Variants in MAST2 observed in about 807,000 individuals in gnomAD.
MAST2 encodes microtubule associated serine/threonine kinase 2, also known as microtubule-associated serine/threonine-protein kinase 2.
MAST2 carries 70 observed loss-of-function variants against 147.4 expected under a neutral mutation model. That is an observed-to-expected ratio of 0.47 (90% confidence interval 0.39 to 0.58). The LOEUF is 0.58. MAST2 is among the 20% of genes least tolerant of loss of function. MAST2 has a pLI of 0.00. For synonymous variants in MAST2, 869 were observed against 896.8 expected, an observed-to-expected ratio of 0.97 and a Z score of 0.55; for missense variants, 2,080 against 2,302.3, an observed-to-expected ratio of 0.90 and a Z score of 1.98.
At chr1:45,883,912 G>GCCTCCCCCCCCCCCCCC (rs59944185) in intron 4 of MAST2, among the ~76,000 whole-genome samples, 26 of 2,504 alleles carry the variant, frequency 0.01, 10 homozygotes, top group East Asian at 0.02. Context: ...TACTATTTCT[G>GCCTCCCCCCCCCCCCCC]CCCCCCCCGC....
chr1:45,945,099 T>TA (rs1657842164), intron 4 of MAST2, among the ~76,000 whole-genome samples: 1 of 152,160 alleles, frequency 6.6e-6, no homozygotes, highest in African/African-American at 2.4e-5. Flanking sequence ...CAGCAGTTCA[T>TA]AACCAGCCTG....
chr1:45,839,638 G>A (rs897320825), intron 3 of MAST2, among the ~76,000 whole-genome samples: 6 of 152,032 alleles, frequency 3.9e-5, no homozygotes, highest in African/African-American at 9.7e-5. Context: ...ATGCAGTCCC[G>A]ATCAAAACCC....
At chr1:45,977,627 G>A (rs984109095) in intron 5 of MAST2, among the ~76,000 whole-genome samples, 23 of 151,642 alleles carry the variant, frequency 1.5e-4, no homozygotes, top group Non-Finnish European at 3.1e-4. Flanking sequence ...GTGAAACCCC[G>A]TCTCTACTAA....
intron 11 of MAST2, among the ~76,000 whole-genome samples, chr1:46,020,977 A>C (rs1426088420): frequency 6.6e-6 from 1 of 152,210 alleles, no homozygotes; most frequent in African/African-American, 2.4e-5. Flanking sequence ...AGGATGAGCC[A>C]GGGACATCAG....
At chr1:45,949,676 T>C (rs1188872275) in intron 4 of MAST2, among the ~76,000 whole-genome samples, 1 of 152,178 alleles carries the variant, frequency 6.6e-6, no homozygotes, top group Non-Finnish European at 1.5e-5. Context: ...CTCAAAGAGC[T>C]AAAAGCAGAA....
At chr1:45,935,886 T>C (rs544738468) in intron 4 of MAST2, among the ~76,000 whole-genome samples, 2 of 152,342 alleles carry the variant, frequency 1.3e-5, no homozygotes, top group African/African-American at 2.4e-5. Flanking sequence ...GGCTCTTTTT[T>C]GGTCCCATAT....
chr1:45,912,379 A>G (rs1051167939), intron 4 of MAST2, among the ~76,000 whole-genome samples: 1 of 152,250 alleles, frequency 6.6e-6, no homozygotes, highest in Non-Finnish European at 1.5e-5. Context: ...TTCACAAAAC[A>G]GTGCTTACCC....
chr1:45,949,896 C>G (rs186094882), intron 4 of MAST2, among the ~76,000 whole-genome samples: 95 of 152,038 alleles, frequency 6.2e-4, no homozygotes, highest in Admixed American at 1.7e-3. Flanking sequence ...CCATAAAGAA[C>G]AAGATCATGT....
intron 3 of MAST2, among the ~76,000 whole-genome samples, chr1:45,842,017 A>C (rs1205952325): frequency 1.3e-5 from 2 of 152,138 alleles, no homozygotes; most frequent in African/African-American, 4.8e-5. Flanking sequence ...ATAATAGAGA[A>C]GTCTAATTAC....
rs141292058 is a variant in MAST2 at position 45,941,785 on chromosome 1, G to C, written c.501-17601G>C. ...TACTTGCCTTGTTCCTCCTCTTAGG[G>C]AGAAAAGCATTCAGTCTTGTTGTCA... On this transcript the variant is annotated intron_variant, in intron 4 of 28. Transcript: ENST00000361297. Among the ~76,000 whole-genome samples, 11 of 152,302 alleles carry C rather than the reference G, an allele frequency of 7.2e-5. No homozygotes were observed. The East Asian group carries it at 2.1e-3, about 29-fold the overall frequency.
At chr1:45,903,710 C>T (rs762092460) in intron 4 of MAST2, among the ~76,000 whole-genome samples, 27 of 152,072 alleles carry the variant, frequency 1.8e-4, no homozygotes, top group Admixed American at 6.5e-4. Flanking sequence ...GCTTTATGAC[C>T]GAACATGTGG....
At chr1:46,009,426 G>C (rs1273727146) in intron 9 of MAST2, among the ~76,000 whole-genome samples, 2 of 152,208 alleles carry the variant, frequency 1.3e-5, no homozygotes, top group African/African-American at 2.4e-5. Flanking sequence ...GATAGGCCCT[G>C]TTCCTGACTG....
intron 4 of MAST2, among the ~76,000 whole-genome samples, chr1:45,923,944 T>C (rs1323685826): frequency 1.3e-5 from 2 of 152,178 alleles, no homozygotes; most frequent in East Asian, 3.8e-4. Context: ...TGATCTCGGC[T>C]TACTGCAACC....
intron 4 of MAST2, among the ~76,000 whole-genome samples, chr1:45,958,666 A>G (rs1659993948): frequency 6.6e-6 from 1 of 152,094 alleles, no homozygotes; most frequent in Admixed American, 6.6e-5. Flanking sequence ...CTTCCCTCCT[A>G]AGACACTGCC....
Position 45,917,513 on chromosome 1 carries a change from C to T in MAST2, c.500+35118C>T, listed in dbSNP as rs371731915. 413 of 1,366,544 alleles carry T rather than the reference C, an allele frequency of 3.0e-4. 7 individuals carry two copies. The Middle Eastern group carries it at 7.6e-3, about 25-fold the overall frequency. The allele number at this position is 1,366,544 out of a possible 1,614,324, so 84.7% of individuals were successfully genotyped here. On this transcript the variant is annotated intron_variant, in intron 4 of 28. Coordinates refer to ENST00000361297, the MANE Select transcript of MAST2 (RefSeq NM_015112.3). The stretch of plus-strand genomic sequence containing the variant: ...ACAGCAGTCCTGGCACTCCTTGTTC[C>T]AGCCGCCCACTGCCGTGGAGGTAAG...
chr1:45,917,399 T>C (rs1557903115), intron 4 of MAST2: 1 of 1,366,596 alleles, frequency 7.3e-7, no homozygotes, highest in Non-Finnish European at 9.8e-7. Flanking sequence ...CCACATCTGC[T>C]CCAGCCCTCT....
intron 4 of MAST2, among the ~76,000 whole-genome samples, chr1:45,899,307 CTTTT>C (rs770069959): frequency 1.9e-5 from 2 of 108,028 alleles, no homozygotes; most frequent in Non-Finnish European, 3.6e-5. Context: ...CCTTTCTTTT[CTTTT>C]TTTTTTTTTT....
intron 5 of MAST2, among the ~76,000 whole-genome samples, chr1:45,974,598 CAAAA>C (rs972811149): frequency 3.3e-5 from 5 of 151,932 alleles, no homozygotes; most frequent in African/African-American, 7.3e-5. Context: ...GACCCTGTCT[CAAAA>C]AAATATTTTT....
In MAST2 at chr1:45,829,600, G is replaced by C. The variant is rs766118038; in HGVS notation, c.468+19G>C. ...TGGCCTGGTAAGTGTTCATAAAGGT[G>C]GCATTTTGCTCTATGAAAAATCCAT... On this transcript the variant is annotated intron_variant, in intron 3 of 28. Transcript: ENST00000361297. 6.3e-7 allele frequency: 1 copy of C among 1,599,978 alleles called. No individual in the cohort carries two copies. Among genetic ancestry groups the C allele is most frequent in the African/African-American group, 1.3e-5 (1 of 74,580 alleles).
Sources: gnomAD v4.1 joint callset for allele counts (sites outside exome capture counted in the v4.1 genomes callset) on GRCh38, gnomAD v4.1.1 for gene constraint, MANE v1.5 for transcripts, NCBI Gene and HGNC (gene_info 2026-07-23, HGNC 2026-07-21) for gene names.